Variants in IKZF2 observed in about 807,000 individuals in gnomAD.
The protein encoded by IKZF2 is IKAROS family zinc finger 2, also known as zinc finger protein Helios.
A neutral mutation model predicts 49.2 loss-of-function variants in IKZF2; 15 were observed. That is an observed-to-expected ratio of 0.30 (90% CI 0.20 to 0.47). The LOEUF is 0.47. Ranked by LOEUF, IKZF2 falls within the 20% of genes least tolerant of loss-of-function variation. The pLI is 1.00. For missense variants in IKZF2, 567 were observed against 664.6 expected (o/e 0.85, Z 1.61); for synonymous variants, 227 against 221.4 (o/e 1.03, Z -0.23).
intron 4 of IKZF2, among the ~76,000 whole-genome samples, chr2:213,092,322 C>G (rs1186774646): frequency 6.6e-6 from 1 of 152,182 alleles, no homozygotes; most frequent in Non-Finnish European, 1.5e-5. Context: ...GCCACTGTGC[C>G]TGGCCTATAA....
chr2:213,011,989 G>C (rs1015951487), intron 8 of IKZF2, among the ~76,000 whole-genome samples: 1 of 152,048 alleles, frequency 6.6e-6, no homozygotes, highest in African/African-American at 2.4e-5. Flanking sequence ...TAAGAAAAGA[G>C]AGGGAGAGAC....
chr2:213,042,135 CA>C (rs1559197521), intron 6 of IKZF2, among the ~76,000 whole-genome samples: 1 of 148,642 alleles, frequency 6.7e-6, no homozygotes, highest in Admixed American at 6.7e-5. Flanking sequence ...CTAGACAGCA[CA>C]TTTTTTTTTT....
At chr2:213,137,169 C>A (rs1047864021) in intron 4 of IKZF2, among the ~76,000 whole-genome samples, 2 of 151,918 alleles carry the variant, frequency 1.3e-5, no homozygotes, top group East Asian at 1.9e-4. Flanking sequence ...ATCATTAGGT[C>A]ATTAATGTGT....
At chr2:213,123,127 A>C (rs2060112171) in intron 4 of IKZF2, among the ~76,000 whole-genome samples, 1 of 152,202 alleles carries the variant, frequency 6.6e-6, no homozygotes. Context: ...GCCTACAACC[A>C]CTTTCAGTAG....
At position 213,007,657 on chromosome 2, in the gene IKZF2, G is replaced by T. The variant is rs757971602; in HGVS notation, c.1284C>A (p.Pro428=). 1.1e-5 allele frequency: 17 copies of T among 1,613,540 alleles called. No homozygotes were observed. The highest frequency in any genetic ancestry group is 2.5e-6 in the Non-Finnish European group (3 of 1,179,736). ...QSYQGHPALN[P]KRKQSPAYMK... ...TGTAAGCTGGGCTTTGTTTCCTCTT[G>T]GGATTTAAGGCAGGGTGTCCTTGGT... Residue 428 remains proline, a synonymous_variant, in exon 9 of 9, where the codon CCC becomes CCA. Coordinates refer to ENST00000434687, the MANE Select transcript of IKZF2 (RefSeq NM_001387220.1).
chr2:213,037,475 G>A (rs1264890382), intron 6 of IKZF2, among the ~76,000 whole-genome samples: 1 of 152,168 alleles, frequency 6.6e-6, no homozygotes, highest in African/African-American at 2.4e-5. Flanking sequence ...TATTGGTCTG[G>A]GGTAGGGGGA....
At chr2:213,027,956 A>C (rs1172758083) in intron 6 of IKZF2, among the ~76,000 whole-genome samples, 1 of 152,134 alleles carries the variant, frequency 6.6e-6, no homozygotes, top group Non-Finnish European at 1.5e-5. Flanking sequence ...ATACTAGTTC[A>C]CATATTGCAG....
chr2:213,111,592 G>A lies in IKZF2; in HGVS notation c.139+36116C>T, dbSNP rs149968665. On this transcript the variant is annotated intron_variant, in intron 4 of 8. Transcript: ENST00000434687. The stretch of plus-strand genomic sequence containing the variant: ...ATTATCTAAATCCATTGGCAGTTTC[G>A]TCCAGCACAATATTAAAAAAGAGTA... Among the ~76,000 whole-genome samples, 882 of 151,738 alleles carry A rather than the reference G, an allele frequency of 5.8e-3. 11 individuals are homozygous for A. Among genetic ancestry groups the A allele is most frequent in the African/African-American group, 0.021 (849 of 41,382 alleles).
intron 4 of IKZF2, among the ~76,000 whole-genome samples, chr2:213,087,120 CA>C (rs1429505474): frequency 6.6e-6 from 1 of 152,046 alleles, no homozygotes. Context: ...GAAGTCAAAT[CA>C]GTGGAAAACC....
chr2:213,056,817 T>C lies in IKZF2; in HGVS notation c.406+16A>G, dbSNP rs775189236. On this transcript the variant is annotated intron_variant, in intron 5 of 8. Coordinates refer to ENST00000434687, the MANE Select transcript of IKZF2 (RefSeq NM_001387220.1). ...ATGTCACAGGCAGTCATCAGGTTAT[T>C]CTTTCAGCTGCTTACCAGTGTGACT... is the stretch of plus-strand genomic sequence containing the variant. The C allele has an allele frequency of 1.2e-6, 2 of 1,613,494 alleles. No homozygotes were observed. Among genetic ancestry groups the C allele is most frequent in the Non-Finnish European group, 1.7e-6 (2 of 1,179,716 alleles).
At position 213,001,106 on chromosome 2, in the gene IKZF2, G is replaced by A. The variant is rs1694866650; in HGVS notation, c.*6254C>T. ...TCACCATAGTTTTTAAGACTTCAAGGGGAGTATTGCACTTGTACAGAAAGA... is the reference window on the plus strand; with the variant it reads ...TCACCATAGTTTTTAAGACTTCAAGAGGAGTATTGCACTTGTACAGAAAGA... On this transcript the variant is annotated 3_prime_UTR_variant, in exon 9 of 9. Coordinates refer to ENST00000434687, the MANE Select transcript of IKZF2 (RefSeq NM_001387220.1). The A allele has an allele frequency of 6.6e-6, 1 of 151,822 alleles. No individual in the cohort carries two copies. The highest frequency in any genetic ancestry group is 6.6e-5 in the Admixed American group (1 of 15,132). The allele number at this position is 151,822 out of a possible 1,614,324, so 9.4% of individuals were successfully genotyped here.
chr2:213,014,729 A>G (rs1393554449), intron 7 of IKZF2: 6 of 152,036 alleles, frequency 3.9e-5, no homozygotes, highest in African/African-American at 1.4e-4. Context: ...TAGTGCAGAC[A>G]AAGAACTTAA....
chr2:213,074,478 G>A (rs1157880900), intron 4 of IKZF2, among the ~76,000 whole-genome samples: 3 of 152,056 alleles, frequency 2.0e-5, no homozygotes, highest in Non-Finnish European at 4.4e-5. Context: ...TGGCATCACC[G>A]CTGTATATGT....
At chr2:213,022,906 T>C (rs954722885) in intron 6 of IKZF2, among the ~76,000 whole-genome samples, 14 of 152,262 alleles carry the variant, frequency 9.2e-5, no homozygotes, top group African/African-American at 3.1e-4. Context: ...ATTATCTCAA[T>C]ACATCTGTTA....
intron 4 of IKZF2, among the ~76,000 whole-genome samples, chr2:213,124,242 GCGCGCGCGCGCACACACACACA>G (rs1381717294): frequency 1.0e-5 from 1 of 96,354 alleles, no homozygotes; most frequent in East Asian, 2.8e-4. Flanking sequence ...ACATGCGCTC[GCGCGCGCGCGCACACACACACA>G]CACACACACA....
chr2:213,067,765 T>G (rs1702298260), intron 4 of IKZF2, among the ~76,000 whole-genome samples: 1 of 152,072 alleles, frequency 6.6e-6, no homozygotes, highest in Non-Finnish European at 1.5e-5. Flanking sequence ...TAGATATATG[T>G]GTCTGTCTTT....
intron 2 of IKZF2, among the ~76,000 whole-genome samples, 169 bp from the exon 3 acceptor site, chr2:213,148,813 T>C (rs565631948): frequency 3.3e-5 from 5 of 152,206 alleles, no homozygotes; most frequent in Non-Finnish European, 7.3e-5. Context: ...CACTGAACTC[T>C]TTCTGCAAAT....
At position 213,057,040 on chromosome 2, in the gene IKZF2, G is replaced by A. The variant is rs149083353; in HGVS notation, c.199C>T (p.Arg67Cys). ...DEECDRKPLS[R>C]EDEIRGHDEG... ...TCATGGCCCCTGATCTCATCTTCAC[G>A]GCTCAGGGGTTTCCTGTCACACTCT... The change falls in exon 5 of 9, where the codon CGT becomes TGT. Residue 67 changes from arginine (R) to cysteine (C), a missense_variant. This residue lies in a region of IKZF2 where 156 missense variants were observed against 138.5 expected (regional missense o/e 1.13). Coordinates refer to ENST00000434687, the MANE Select transcript of IKZF2 (RefSeq NM_001387220.1). 3 of 1,613,646 alleles carry A rather than the reference G, an allele frequency of 1.9e-6. No homozygotes were observed. The highest frequency in any genetic ancestry group is 2.5e-6 in the Non-Finnish European group (3 of 1,179,760).
intron 4 of IKZF2, among the ~76,000 whole-genome samples, chr2:213,130,769 T>C (rs1390999147): frequency 6.6e-6 from 1 of 152,178 alleles, no homozygotes; most frequent in Non-Finnish European, 1.5e-5. Context: ...AGTTAGATAT[T>C]ATGGGCTTAA....
Sources: gnomAD v4.1 joint callset for allele counts (sites outside exome capture counted in the v4.1 genomes callset) on GRCh38, gnomAD v4.1.1 for gene constraint, gnomAD v4.1.1 regional missense constraint, MANE v1.5 for transcripts, NCBI Gene and HGNC (gene_info 2026-07-23, HGNC 2026-07-21) for gene names.